ANKS1A: variants seen among roughly 807,000 people sequenced by gnomAD.
ANKS1A encodes ankyrin repeat and SAM domain-containing protein 1A.
ANKS1A carries 55 observed loss-of-function variants against 120.3 expected under a neutral mutation model. The observed-to-expected ratio is 0.46, with a 90% CI of 0.37 to 0.57. The LOEUF (loss-of-function observed/expected upper bound fraction) is 0.57. Among genes scored for constraint, ANKS1A ranks in the 20% least tolerant of loss-of-function variants. The pLI, the probability that ANKS1A is intolerant of heterozygous loss-of-function variation, is 0.00. For missense variants in ANKS1A, 1,123 were observed against 1,480.3 expected, an observed-to-expected ratio of 0.76 and a Z score of 3.96; for synonymous variants, 590 against 604.7, an observed-to-expected ratio of 0.98 and a Z score of 0.36.
intron 1 of ANKS1A, among the ~76,000 whole-genome samples, chr6:34,907,608 T>C (rs1767705679): frequency 1.3e-5 from 2 of 152,146 alleles, no homozygotes; most frequent in African/African-American, 4.8e-5. Context: ...CTGTAAAACG[T>C]TGACATAAGG....
At chr6:34,970,413 G>A (rs937799030) in intron 3 of ANKS1A, among the ~76,000 whole-genome samples, 4 of 152,130 alleles carry the variant, frequency 2.6e-5, no homozygotes, top group African/African-American at 9.7e-5. Context: ...TTTGACTCAT[G>A]CATATTTGGA....
At chr6:34,933,345 A>G (rs1769084882) in intron 1 of ANKS1A, among the ~76,000 whole-genome samples, 1 of 152,210 alleles carries the variant, frequency 6.6e-6, no homozygotes, top group African/African-American at 2.4e-5. Context: ...AAAGATTTTA[A>G]ATGCATAGAA....
rs767518824 is a variant in ANKS1A at position 35,091,007 on chromosome 6, C to CAGAGCT, written c.*2399_*2404dup. On this transcript the variant is annotated 3_prime_UTR_variant, in exon 24 of 24. Transcript: ENST00000360359. ...TGCTCGGGTTTGAGCAGGGAGCAGG[C>CAGAGCT]AGAGCTGCAGTCAGAGACATTAGAA... 68 of 985,758 alleles carry CAGAGCT rather than the reference C, an allele frequency of 6.9e-5. No homozygotes were observed. The highest frequency in any genetic ancestry group is 8.1e-5 in the Non-Finnish European group (67 of 829,954). The allele number at this position is 985,758 out of a possible 1,614,324, so 61.1% of individuals were successfully genotyped here. A position where few individuals can be genotyped will look rare whatever the true frequency, so the allele number is the denominator to read the frequency against.
At chr6:35,064,467 C>T (rs1040007643) in intron 13 of ANKS1A, among the ~76,000 whole-genome samples, 2 of 152,198 alleles carry the variant, frequency 1.3e-5, no homozygotes, top group Non-Finnish European at 2.9e-5. Flanking sequence ...CTTGTTCCTA[C>T]GTGTTGGAGA....
intron 1 of ANKS1A, among the ~76,000 whole-genome samples, chr6:34,940,676 C>T (rs367952655): frequency 2.0e-3 from 305 of 152,000 alleles, no homozygotes; most frequent in African/African-American, 6.9e-3. Flanking sequence ...TTTGGGAGGC[C>T]AAGGCAGGCG....
chr6:34,962,476 T>G (rs565271889), intron 1 of ANKS1A, among the ~76,000 whole-genome samples: 1 of 152,330 alleles, frequency 6.6e-6, no homozygotes, highest in East Asian at 1.9e-4. Context: ...ATATCATTTT[T>G]ATGGTGAGAA....
chr6:35,071,734 A>G (rs1777097446), intron 13 of ANKS1A, among the ~76,000 whole-genome samples: 1 of 152,194 alleles, frequency 6.6e-6, no homozygotes. Context: ...TGCGGTTTGG[A>G]TGTGTCAGGG....
At chr6:35,091,678 G>A (rs1005059657), downstream of ANKS1A, among the ~76,000 whole-genome samples, 2 of 152,200 alleles carry the variant, frequency 1.3e-5, no homozygotes, top group Non-Finnish European at 2.9e-5. Flanking sequence ...CCACATTCTA[G>A]TTACTGCTGC....
At chr6:35,095,205 A>T (rs1271224844), downstream of ANKS1A, among the ~76,000 whole-genome samples, 1 of 151,902 alleles carries the variant, frequency 6.6e-6, no homozygotes, top group East Asian at 1.9e-4. Context: ...ATTTGGCAAC[A>T]AACATAAGCC....
At chr6:34,892,310 T>C (rs2127439101) in intron 1 of ANKS1A, among the ~76,000 whole-genome samples, 1 of 152,348 alleles carries the variant, frequency 6.6e-6, no homozygotes, top group African/African-American at 2.4e-5. Context: ...CCTAGGTCAG[T>C]ATGTCCTCCC....
At chr6:35,013,232 A>G (rs1206131499) in intron 10 of ANKS1A, among the ~76,000 whole-genome samples, 1 of 152,166 alleles carries the variant, frequency 6.6e-6, no homozygotes, top group Non-Finnish European at 1.5e-5. Context: ...TTGTCTGCCA[A>G]GCATATGATT....
intron 1 of ANKS1A, among the ~76,000 whole-genome samples, chr6:34,958,047 CA>C (rs1380036540): frequency 6.6e-6 from 1 of 152,268 alleles, no homozygotes; most frequent in African/African-American, 2.4e-5. Flanking sequence ...AACCATGGTA[CA>C]AACAAGGATG....
intron 14 of ANKS1A, among the ~76,000 whole-genome samples, chr6:35,078,904 G>T (rs1399421192): frequency 6.6e-6 from 1 of 152,244 alleles, no homozygotes; most frequent in East Asian, 1.9e-4. Flanking sequence ...GGGGTCATGA[G>T]GAGGTTCTGG....
In ANKS1A at chr6:35,079,897, C is replaced by T; in HGVS notation, c.2513C>T (p.Pro838Leu). The T allele has an allele frequency of 6.4e-7, 1 of 1,559,504 alleles. No homozygotes were observed. The highest frequency in any genetic ancestry group is 8.7e-7 in the Non-Finnish European group (1 of 1,151,510). Residue 838 changes from proline (P) to leucine (L), a missense_variant, in exon 16 of 24, where the codon CCC becomes CTC. Around this residue, in one of 3 missense-constraint regions of ANKS1A, gnomAD observed 904 missense variants for 1,130.4 expected, o/e 0.80. Coordinates refer to ENST00000360359, the MANE Select transcript of ANKS1A (RefSeq NM_015245.3). Reference protein sequence around the residue: ...SLADRPYEEPPQKPPRFSQLR... With the variant: ...SLADRPYEEPLQKPPRFSQLR... Reference sequence around the variant, plus strand: ...GCAGACAGACCGTACGAGGAGCCGCCCCAGAAGCCCCCCAGATTCTCCCAG... The same window carrying T: ...GCAGACAGACCGTACGAGGAGCCGCTCCAGAAGCCCCCCAGATTCTCCCAG...
intron 1 of ANKS1A, among the ~76,000 whole-genome samples, chr6:34,891,660 G>T (rs1208278956): frequency 6.6e-6 from 1 of 151,234 alleles, no homozygotes; most frequent in Admixed American, 6.6e-5. Flanking sequence ...ACGGAGTCTC[G>T]CTCTGTCCAC....
intron 11 of ANKS1A, among the ~76,000 whole-genome samples, chr6:35,046,123 G>A (rs1171563804): frequency 6.6e-6 from 1 of 152,126 alleles, no homozygotes; most frequent in Admixed American, 6.5e-5. Flanking sequence ...CACAGATGTA[G>A]GGATCCATTT....
intron 1 of ANKS1A, among the ~76,000 whole-genome samples, chr6:34,927,427 A>G (rs929473275): frequency 4.6e-5 from 7 of 151,970 alleles, no homozygotes; most frequent in Admixed American, 4.6e-4. Flanking sequence ...GATATTGATA[A>G]ATGGGCACTA....
chr6:34,897,448 G>A (rs1459322652), intron 1 of ANKS1A, among the ~76,000 whole-genome samples: 2 of 152,080 alleles, frequency 1.3e-5, no homozygotes, highest in African/African-American at 4.8e-5. Flanking sequence ...GTAAATTACT[G>A]GGTTTTTAGC....
In ANKS1A at chr6:35,084,035, A is replaced by G. The variant is rs1442951212; in HGVS notation, c.2995-86A>G. The G allele has an allele frequency of 7.0e-6, 11 of 1,566,982 alleles. No homozygotes were observed. Among genetic ancestry groups the G allele is most frequent in the Non-Finnish European group, 9.6e-6 (11 of 1,148,824 alleles). On this transcript the variant is annotated intron_variant, in intron 20 of 23. Coordinates refer to ENST00000360359, the MANE Select transcript of ANKS1A (RefSeq NM_015245.3). The surrounding 1 kb of genome is among the most constrained non-coding windows in gnomAD (Gnocchi z 4.8). ...TTGATGCTCTAGGCTGGGACAGAGAACAGTGACAATGGTAACAGGCTGGGG... is the reference window on the plus strand; with the variant it reads ...TTGATGCTCTAGGCTGGGACAGAGAGCAGTGACAATGGTAACAGGCTGGGG...
Sources: allele counts gnomAD v4.1 joint callset (sites outside exome capture counted in the v4.1 genomes callset), GRCh38; gene constraint gnomAD v4.1.1; regional missense constraint gnomAD v4.1.1; non-coding constraint Gnocchi (gnomAD v3.1); transcripts MANE v1.5; gene names NCBI Gene and HGNC (gene_info 2026-07-23, HGNC 2026-07-21).